Variants in GAS2 observed in about 807,000 individuals in gnomAD.
The protein encoded by GAS2 is growth arrest-specific protein 2.
In GAS2, 20 loss-of-function variants were observed where a neutral mutation model predicts 37.5. The observed-to-expected ratio is 0.53, with a 90% CI of 0.37 to 0.77. GAS2 has a LOEUF of 0.77. Among genes scored for constraint, GAS2 ranks in the 30% least tolerant of loss-of-function variants. The probability of loss-of-function intolerance (pLI) is 0.00; values close to 1 mark genes in which losing one functional copy is unlikely to be tolerated. For synonymous variants in GAS2, 144 were observed against 132.2 expected, an observed-to-expected ratio of 1.09 and a Z score of -0.61; for missense variants, 336 against 373.4, an observed-to-expected ratio of 0.90 and a Z score of 0.82.
At chr11:22,698,228 A>G (rs1211281645) in intron 3 of GAS2, among the ~76,000 whole-genome samples, 6 of 152,250 alleles carry the variant, frequency 3.9e-5, no homozygotes, top group African/African-American at 1.4e-4. Flanking sequence ...CCATCAGAGA[A>G]TACTACAAAC....
chr11:22,733,806 A>G (rs1307083451), intron 4 of GAS2, among the ~76,000 whole-genome samples: 1 of 151,766 alleles, frequency 6.6e-6, no homozygotes, highest in African/African-American at 2.4e-5. Context: ...GAAGCCGCCA[A>G]TGATAAAACC....
Position 22,696,867 on chromosome 11 carries a change from C to G in GAS2, c.267+11078C>G, listed in dbSNP as rs1263399054. 6.1e-5 allele frequency among the ~76,000 whole-genome samples: 9 copies of G among 148,082 alleles called. No homozygotes were observed. The South Asian group carries it at 1.8e-3, about 29-fold the overall frequency. ...AGCCCTTTGTCAGATGAGTAGGTTG[C>G]GAAAATTTTCTCCCATTTTGTAGGT... On this transcript the variant is annotated intron_variant, in intron 3 of 7. Transcript: ENST00000454584.
At chr11:22,799,138 G>C (rs1198140951) in intron 7 of GAS2, among the ~76,000 whole-genome samples, 1 of 152,006 alleles carries the variant, frequency 6.6e-6, no homozygotes, top group Non-Finnish European at 1.5e-5. Context: ...TCTCTACTAG[G>C]CAGTTGGTGT....
At chr11:22,741,252 C>T (rs1052729189) in intron 5 of GAS2, among the ~76,000 whole-genome samples, 1 of 152,030 alleles carries the variant, frequency 6.6e-6, no homozygotes, top group Non-Finnish European at 1.5e-5. Context: ...AGAGTGAAAT[C>T]CCTCTGCTAA....
chr11:22,753,693 C>T (rs1353110942), intron 6 of GAS2, among the ~76,000 whole-genome samples: 2 of 152,126 alleles, frequency 1.3e-5, no homozygotes, highest in African/African-American at 4.8e-5. Context: ...TCCCTTTCTT[C>T]ATCCTTGCTT....
chr11:22,649,235 A>G (rs1848741535), intron 1 of GAS2, among the ~76,000 whole-genome samples: 1 of 152,126 alleles, frequency 6.6e-6, no homozygotes, highest in Non-Finnish European at 1.5e-5. Context: ...ATTTGCGTAT[A>G]TTGAACCAGC....
intron 4 of GAS2, among the ~76,000 whole-genome samples, chr11:22,734,089 AG>A (rs1356631876): frequency 1.3e-5 from 2 of 151,754 alleles, no homozygotes; most frequent in Admixed American, 1.3e-4. Flanking sequence ...GTACAATGAT[AG>A]TTGCCTGTCT....
intron 7 of GAS2, among the ~76,000 whole-genome samples, chr11:22,791,545 C>T (rs150005552): frequency 1.6e-4 from 25 of 152,302 alleles, no homozygotes; most frequent in African/African-American, 5.8e-4. Context: ...CTGGAGGCCA[C>T]TAATGTGACT....
At chr11:22,674,020 C>T (rs553579001) in intron 1 of GAS2, among the ~76,000 whole-genome samples, 2 of 152,298 alleles carry the variant, frequency 1.3e-5, no homozygotes, top group African/African-American at 4.8e-5. Flanking sequence ...ACAAACACCT[C>T]TGGCAGCATT....
chr11:22,735,719 G>T (rs1269531509), intron 4 of GAS2, among the ~76,000 whole-genome samples: 1 of 151,862 alleles, frequency 6.6e-6, no homozygotes. Flanking sequence ...TGTACAGTAA[G>T]TTGGTTAAAG....
At chr11:22,726,715 T>C (rs979722543) in intron 4 of GAS2, among the ~76,000 whole-genome samples, 4 of 152,082 alleles carry the variant, frequency 2.6e-5, no homozygotes, top group African/African-American at 4.8e-5. Context: ...TAGGGCAAAA[T>C]TGGTGCAAAA....
At chr11:22,804,092 T>C (rs1176947109) in intron 7 of GAS2, among the ~76,000 whole-genome samples, 5 of 152,022 alleles carry the variant, frequency 3.3e-5, no homozygotes, top group Non-Finnish European at 4.4e-5. Context: ...GATTTTCCAG[T>C]TGGGGGTGAT....
At chr11:22,787,212 A>G (rs1855858555) in intron 7 of GAS2, among the ~76,000 whole-genome samples, 1 of 152,184 alleles carries the variant, frequency 6.6e-6, no homozygotes, top group African/African-American at 2.4e-5. Flanking sequence ...TATGACGTAA[A>G]TCCAGGCTCT....
chr11:22,669,030 T>C lies in GAS2; in HGVS notation c.-21+2131T>C, dbSNP rs572192461. 5.8e-4 allele frequency among the ~76,000 whole-genome samples: 89 copies of C among 152,290 alleles called. 1 individual carries two copies. Among genetic ancestry groups the C allele is most frequent in the South Asian group, 2.3e-3 (11 of 4,828 alleles). ...GGCTTATGTAAGTTTCTGTATTAAATGTTTTCAGCATCAATACAATTAAAA... is the reference window on the plus strand; with the variant it reads ...GGCTTATGTAAGTTTCTGTATTAAACGTTTTCAGCATCAATACAATTAAAA... On this transcript the variant is annotated intron_variant, in intron 1 of 7. Transcript: ENST00000454584.
intron 1 of GAS2, among the ~76,000 whole-genome samples, chr11:22,641,144 T>C (rs116022946): frequency 0.016 from 2,370 of 147,628 alleles, 91 homozygotes; most frequent in African/African-American, 0.055. Flanking sequence ...AGGAGGGAGG[T>C]TAAGGATTTT....
chr11:22,651,502 C>T (rs1006249086), intron 1 of GAS2, among the ~76,000 whole-genome samples: 3 of 152,298 alleles, frequency 2.0e-5, no homozygotes, highest in East Asian at 1.9e-4. Context: ...TGGATAATAT[C>T]CTGCAGAGTG....
chr11:22,811,882 C>T lies in GAS2; in HGVS notation c.808C>T (p.Arg270Ter), dbSNP rs773108609. The change falls in exon 8 of 8, where the codon CGA becomes TGA. Residue 270 changes from arginine to a stop codon, truncating the protein, a stop_gained. Coordinates refer to ENST00000454584, the MANE Select transcript of GAS2 (RefSeq NM_001143830.3). LOFTEE classifies it high-confidence loss of function. ...GTATTTGTTGAAACACGACCCCTGC[C>T]GAATGCTGCAGATCTCCCGTGTGGA... ...AGYLLKHDPC[R>*]MLQISRVDGK... The T allele has an allele frequency of 3.7e-6, 6 of 1,613,970 alleles. No individual in the cohort carries two copies. Among genetic ancestry groups the T allele is most frequent in the South Asian group, 2.2e-5 (2 of 91,080 alleles).
intron 3 of GAS2, among the ~76,000 whole-genome samples, chr11:22,688,973 C>G (rs961627817): frequency 2.6e-5 from 4 of 152,110 alleles, no homozygotes; most frequent in African/African-American, 9.7e-5. Context: ...AAACCAAAAT[C>G]ATGTCCTTTG....
intron 7 of GAS2, among the ~76,000 whole-genome samples, chr11:22,771,248 A>G (rs1854966912): frequency 6.6e-6 from 1 of 152,174 alleles, no homozygotes; most frequent in Non-Finnish European, 1.5e-5. Flanking sequence ...CTTGTGCTCC[A>G]GGAATGTTGA....
Sources: gnomAD v4.1 joint callset for allele counts (sites outside exome capture counted in the v4.1 genomes callset) on GRCh38, gnomAD v4.1.1 for gene constraint, MANE v1.5 for transcripts, NCBI Gene and HGNC (gene_info 2026-07-23, HGNC 2026-07-21) for gene names.